The following RIF1 variants were observed in gnomAD, a reference collection of about 807,000 sequenced individuals.
RIF1 encodes telomere-associated protein RIF1.
A neutral mutation model predicts 247.1 loss-of-function variants in RIF1; 45 were observed. The ratio of observed to expected loss-of-function variants is 0.18; its 90% confidence interval spans 0.14 to 0.23. The LOEUF is 0.23. Among genes scored for constraint, RIF1 ranks in the 10% least tolerant of loss-of-function variants. The pLI is 1.00. For synonymous variants in RIF1, 1,087 were observed against 978.8 expected (o/e 1.11, Z -2.06); for missense variants, 2,967 against 2,862.5 (o/e 1.04, Z -0.83).
chr2:151,513,780 C>T, the RIF1 span: 1 of 882,170 alleles, frequency 1.1e-6, no homozygotes. Context: ...ATCCACATAA[C>T]ACGCCACCCC....
At chr2:151,488,577 T>G (rs2053224287) in intron 9 of RIF1, among the ~76,000 whole-genome samples, 1 of 151,862 alleles carries the variant, frequency 6.6e-6, no homozygotes, top group South Asian at 2.1e-4. Flanking sequence ...GTCCATGAAG[T>G]CGAGACTGCA....
chr2:151,497,423 T>TA (rs2060964961), intron 10 of RIF1: 3 of 978,322 alleles, frequency 3.1e-6, no homozygotes, highest in African/African-American at 1.8e-5. Context: ...CCAGATGAAA[T>TA]AAAAAATTGA....
At chr2:151,414,961 G>GTA (rs1686931297) in intron 4 of RIF1, 42 bp downstream of exon 4, 1 of 1,283,220 alleles carries the variant, frequency 7.8e-7, no homozygotes, top group Non-Finnish European at 1.1e-6. Flanking sequence ...AGAGTATAAA[G>GTA]TATAAGTTTT....
At chr2:151,529,260 C>A in the RIF1 span, 1 of 1,613,748 alleles carries the variant, frequency 6.2e-7, no homozygotes, top group African/African-American at 1.3e-5. Flanking sequence ...TGAACAGCAT[C>A]TGGCTCAATG....
intron 9 of RIF1, among the ~76,000 whole-genome samples, chr2:151,487,975 ATACTTTGTATTATG>A (rs1230468091): frequency 2.0e-5 from 3 of 152,134 alleles, no homozygotes; most frequent in African/African-American, 4.8e-5. Flanking sequence ...ATTCAATTTG[ATACTTTGTATTATG>A]TACTTTATCT....
intron 3 of RIF1, among the ~76,000 whole-genome samples, chr2:151,411,583 T>G (rs556028488): frequency 2.0e-5 from 3 of 152,102 alleles, no homozygotes; most frequent in Non-Finnish European, 4.4e-5. Context: ...GTATTTTTAG[T>G]AGAGAAGGGG....
At chr2:151,467,010 C>T (rs780636831) in intron 30 of RIF1, among the ~76,000 whole-genome samples, 37 of 152,220 alleles carry the variant, frequency 2.4e-4, no homozygotes, top group Middle Eastern at 3.4e-3. Flanking sequence ...GGTGGATCAC[C>T]TGAGGGTCGG....
intron 12 of RIF1, 61 bp downstream of exon 12, chr2:151,437,064 G>T (rs775457996): frequency 1.3e-5 from 18 of 1,415,964 alleles, no homozygotes; most frequent in Non-Finnish European, 1.7e-5. Flanking sequence ...TAATGCATTG[G>T]GGTGAGGAGA....
At chr2:151,524,327 G>T in the RIF1 span, 1 of 1,613,720 alleles carries the variant, frequency 6.2e-7, no homozygotes, top group Non-Finnish European at 8.5e-7. Flanking sequence ...GCTCAGCTTG[G>T]CTGCCTTCTT....
At chr2:151,467,596 G>A (rs1480787701) in intron 30 of RIF1, among the ~76,000 whole-genome samples, 2 of 152,062 alleles carry the variant, frequency 1.3e-5, no homozygotes, top group Non-Finnish European at 2.9e-5. Flanking sequence ...ACCCGCCTTG[G>A]CCTCCCAAAG....
chr2:151,452,130 G>C (rs1490794672), intron 21 of RIF1, among the ~76,000 whole-genome samples: 1 of 151,984 alleles, frequency 6.6e-6, no homozygotes, highest in Non-Finnish European at 1.5e-5. Flanking sequence ...GAAAACAATG[G>C]GATCAGTTAA....
chr2:151,422,894 T>G, intron 7 of RIF1, 56 bp from the exon 8 acceptor site: 1 of 878,224 alleles, frequency 1.1e-6, no homozygotes, highest in Non-Finnish European at 1.9e-6. Flanking sequence ...TAGACTTTGG[T>G]ATTGGATTTT....
chr2:151,500,383 A>C (rs2063491054), intron 11 of RIF1, among the ~76,000 whole-genome samples: 1 of 151,902 alleles, frequency 6.6e-6, no homozygotes, highest in African/African-American at 2.4e-5. Flanking sequence ...GTATAAGTGA[A>C]CCTAAGGTCT....
At chr2:151,447,104 C>A (rs918610064) in intron 20 of RIF1, among the ~76,000 whole-genome samples, 1 of 151,788 alleles carries the variant, frequency 6.6e-6, no homozygotes, top group Non-Finnish European at 1.5e-5. Context: ...CCACCACGCC[C>A]GGCTAATTTT....
In RIF1 at chr2:151,457,934, G is replaced by C. The variant is rs202238768; in HGVS notation, c.2826G>C (p.Val942=). ...AQFWNATFAK[V]MMLVYPEELK... ...TCTGGAATGCCACTTTTGCCAAAGT[G>C]ATGATGTTGGTTTATCCTGAAGAGT... is the stretch of plus-strand genomic sequence containing the variant. The change falls in exon 24 of 36, where the codon GTG becomes GTC. Residue 942 remains valine (V), a synonymous_variant. Transcript: ENST00000444746. 3.0e-5 allele frequency: 49 copies of C among 1,613,648 alleles called. No individual in the cohort carries two copies. The South Asian group carries it at 5.2e-4, about 17-fold the overall frequency.
At chr2:151,494,003 ATAGT>A (rs1239733930) in intron 9 of RIF1, 1 of 874,050 alleles carries the variant, frequency 1.1e-6, no homozygotes, top group Non-Finnish European at 1.8e-6. Flanking sequence ...AAGCTTAAAA[ATAGT>A]TAATGGCTAC....
At chr2:151,488,064 C>A (rs1234737072) in intron 9 of RIF1, among the ~76,000 whole-genome samples, 1 of 152,012 alleles carries the variant, frequency 6.6e-6, no homozygotes, top group Non-Finnish European at 1.5e-5. Flanking sequence ...TCATGGTGAA[C>A]ACCTTTTTCT....
rs2049075438 is a variant in RIF1, at chr2:151,479,378, A to G, written c.*4307A>G. ...TCTTATTGATAAGGCAAAGTAGACA[A>G]AGTATTTTCTCATGAGTATTTGTGG... is the stretch of plus-strand genomic sequence containing the variant. On this transcript the variant is annotated 3_prime_UTR_variant, in exon 36 of 36. Transcript: ENST00000444746. 6.6e-6 allele frequency: 1 copy of G among 152,224 alleles called. No homozygotes were observed. Among genetic ancestry groups the G allele is most frequent in the Admixed American group, 6.5e-5 (1 of 15,280 alleles). The allele number at this position is 152,224 out of a possible 1,614,324, so 9.4% of individuals were successfully genotyped here.
chr2:151,415,320 C>T (rs1335177635), intron 4 of RIF1, among the ~76,000 whole-genome samples: 3 of 146,942 alleles, frequency 2.0e-5, no homozygotes, highest in Admixed American at 1.4e-4. Flanking sequence ...GTACTCTAAC[C>T]TGGGTGATAA....
Sources: gnomAD v4.1 joint callset for allele counts (sites outside exome capture counted in the v4.1 genomes callset) on GRCh38, gnomAD v4.1.1 for gene constraint, MANE v1.5 for transcripts, NCBI Gene and HGNC (gene_info 2026-07-23, HGNC 2026-07-21) for gene names.